MGAT5B: variants seen among roughly 807,000 people sequenced by gnomAD.
MGAT5B encodes the protein alpha-1,6-mannosylglycoprotein 6-beta-N-acetylglucosaminyltransferase B.
Under a neutral mutation model 95.1 loss-of-function variants are expected in MGAT5B, and 54 were observed. The ratio of observed to expected loss-of-function variants is 0.57; its 90% CI spans 0.46 to 0.71. The LOEUF is 0.71. Ranked by LOEUF, MGAT5B falls within the 30% of genes least tolerant of loss-of-function variation. The pLI, the probability that MGAT5B is intolerant of heterozygous loss-of-function variation, is 0.00. For synonymous variants in MGAT5B, 464 were observed against 451.0 expected, an observed-to-expected ratio of 1.03 and a Z score of -0.36; for missense variants, 935 against 1,088.6, an observed-to-expected ratio of 0.86 and a Z score of 1.99.
At chr17:76,887,712 C>G (rs1183587209) in intron 3 of MGAT5B, among the ~76,000 whole-genome samples, 1 of 151,234 alleles carries the variant, frequency 6.6e-6, no homozygotes, top group East Asian at 1.9e-4. Context: ...CACCACCATG[C>G]CCGGCTAATT....
At chr17:76,874,410 G>A (rs147226654) in intron 2 of MGAT5B, among the ~76,000 whole-genome samples, 1 of 147,360 alleles carries the variant, frequency 6.8e-6, no homozygotes, top group Non-Finnish European at 1.5e-5. Context: ...GGTGGGTGGG[G>A]ATGGGAGGGA....
intron 3 of MGAT5B, among the ~76,000 whole-genome samples, chr17:76,883,715 A>T (rs900336568): frequency 1.3e-5 from 2 of 152,244 alleles, no homozygotes; most frequent in Non-Finnish European, 2.9e-5. Flanking sequence ...GCTAAAAATT[A>T]AGCTTGAAAC....
In MGAT5B at chr17:76,902,654, G is replaced by A. The variant is rs761235705; in HGVS notation, c.429G>A (p.Leu143=). The A allele has an allele frequency of 1.3e-6, 2 of 1,591,532 alleles. No individual in the cohort carries two copies. Among genetic ancestry groups the A allele is most frequent in the Admixed American group, 3.5e-5 (2 of 57,782 alleles). Residue 143 remains leucine, a synonymous_variant, in exon 4 of 18, where the codon CTG becomes CTA. Transcript: ENST00000569840. The part of the protein sequence containing the change: ...VKVDQILRHS[L]LLHSKVSEGR... ...TGGACCAGATCCTGCGCCACAGTCT[G>A]CTCCTGCACAGCAAGGGTGGGTGCC...
intron 12 of MGAT5B, among the ~76,000 whole-genome samples, chr17:76,936,336 A>T (rs1313309380): frequency 6.6e-6 from 1 of 152,222 alleles, no homozygotes; most frequent in Non-Finnish European, 1.5e-5. Flanking sequence ...TGAACCTGGG[A>T]GGCGGAGGTT....
intron 6 of MGAT5B, among the ~76,000 whole-genome samples, 193 bp from the exon 7 acceptor site, chr17:76,904,976 G>C (rs1371124060): frequency 6.6e-6 from 1 of 152,220 alleles, no homozygotes; most frequent in African/African-American, 2.4e-5. Context: ...TTAGAGCTGG[G>C]CTGGGGAGGG....
At chr17:76,903,400 G>A (rs1465815621) in intron 5 of MGAT5B, 24 bp downstream of exon 5, 3 of 1,596,144 alleles carry the variant, frequency 1.9e-6, no homozygotes, top group Admixed American at 3.4e-5. Flanking sequence ...CTGAGGGGTG[G>A]GGATGTCTAC....
chr17:76,873,041 C>A, intron 2 of MGAT5B, 78 bp downstream of exon 2: 1 of 1,526,428 alleles, frequency 6.6e-7, no homozygotes, highest in Non-Finnish European at 8.9e-7. Context: ...CTGAGCCTAG[C>A]CCTGTACCTG....
chr17:76,931,008 A>G (rs1284442607), intron 10 of MGAT5B, among the ~76,000 whole-genome samples: 4 of 152,252 alleles, frequency 2.6e-5, no homozygotes, highest in African/African-American at 7.2e-5. Context: ...CAGCATTCAT[A>G]AAGCCAGCCC....
Position 76,905,164 on chromosome 17 carries a change from T to C in MGAT5B, c.691-5T>C. ...GGCAGAGAGCTGAGGTCTGGACCCC[T>C]CCAGGCAGTTTTCCGAAGCAACCTG... On this transcript the variant is annotated splice_region_variant and splice_polypyrimidine_tract_variant and intron_variant, in intron 6 of 17. Transcript: ENST00000569840. The surrounding 1 kb of genome is among the most constrained non-coding windows in gnomAD (Gnocchi z 4.2). 1 of 1,607,976 alleles carries C rather than the reference T, an allele frequency of 6.2e-7. No homozygotes were observed.
chr17:76,925,145 G>A, intron 9 of MGAT5B, 48 bp downstream of exon 9: 2 of 1,607,190 alleles, frequency 1.2e-6, no homozygotes, highest in Non-Finnish European at 8.5e-7. Context: ...TGCCAGGGGA[G>A]AAAGCTCCTC....
At position 76,872,841 on chromosome 17, in the gene MGAT5B, C is replaced by T. The variant is rs1967057341; in HGVS notation, c.69-10C>T. ...CCTGCCCTCCTGACCCGCCTCCTTCCTCTCCGCAGGCTTTTTGTCCTGGGC... is the reference window on the plus strand; with the variant it reads ...CCTGCCCTCCTGACCCGCCTCCTTCTTCTCCGCAGGCTTTTTGTCCTGGGC... On this transcript the variant is annotated splice_polypyrimidine_tract_variant and intron_variant, in intron 1 of 17. Transcript: ENST00000569840. 14 of 1,614,236 alleles carry T rather than the reference C, an allele frequency of 8.7e-6. No individual in the cohort carries two copies. The East Asian group carries it at 3.1e-4, about 36-fold the overall frequency.
intron 3 of MGAT5B, among the ~76,000 whole-genome samples, chr17:76,902,318 A>T (rs1968341978): frequency 6.6e-6 from 1 of 152,136 alleles, no homozygotes; most frequent in African/African-American, 2.4e-5. Flanking sequence ...TGTGACCAAC[A>T]TGTGCAGATA....
In MGAT5B at chr17:76,915,624, A is replaced by C. The variant is rs1968902639; in HGVS notation, c.1026-9342A>C. ...TTTCTATAATTTTCTGGATGCTTGG[A>C]ATATTTTGTAACTTATAAGCACACA... On this transcript the variant is annotated intron_variant, in intron 8 of 17. Transcript: ENST00000569840. The surrounding 1 kb of genome is among the most constrained non-coding windows in gnomAD (Gnocchi z 8.7). 6.6e-6 allele frequency among the ~76,000 whole-genome samples: 1 copy of C among 152,156 alleles called. No homozygotes were observed.
intron 3 of MGAT5B, among the ~76,000 whole-genome samples, chr17:76,896,082 A>T (rs1228835761): frequency 6.6e-6 from 1 of 152,164 alleles, no homozygotes; most frequent in African/African-American, 2.4e-5. Context: ...TGTTCCCCAG[A>T]CCACATAGGC....
intron 2 of MGAT5B, among the ~76,000 whole-genome samples, chr17:76,873,988 G>T (rs530432036): frequency 7.2e-5 from 11 of 152,202 alleles, no homozygotes; most frequent in African/African-American, 2.6e-4. Context: ...GGTGCTGAGG[G>T]GCTCTTATTA....
intron 1 of MGAT5B, 168 bp from the exon 2 acceptor site, chr17:76,872,682 AG>A (rs1314893578): frequency 1.4e-5 from 21 of 1,528,140 alleles, no homozygotes; most frequent in Non-Finnish European, 2.6e-6. Context: ...TTTATCCTAT[AG>A]TGGGGGGGCC....
intron 12 of MGAT5B, among the ~76,000 whole-genome samples, chr17:76,936,177 GC>G (rs1969663857): frequency 6.6e-6 from 1 of 151,928 alleles, no homozygotes; most frequent in Admixed American, 6.6e-5. Flanking sequence ...GGAGGCCATG[GC>G]GGGGTGGATC....
In MGAT5B at chr17:76,902,644, G is replaced by T. The variant is rs575093790; in HGVS notation, c.419G>T (p.Arg140Leu). ...DIAVKVDQIL[R>L]HSLLLHSKVS... Reference sequence around the variant, plus strand: ...GCTGTGAAGGTGGACCAGATCCTGCGCCACAGTCTGCTCCTGCACAGCAAG... The same window carrying T: ...GCTGTGAAGGTGGACCAGATCCTGCTCCACAGTCTGCTCCTGCACAGCAAG... Residue 140 changes from arginine (R) to leucine (L), a missense_variant, in exon 4 of 18, where the codon CGC (arginine) becomes CTC (leucine). Coordinates refer to ENST00000569840, the MANE Select transcript of MGAT5B (RefSeq NM_001199172.2). 1.3e-6 allele frequency: 2 copies of T among 1,579,682 alleles called. No individual in the cohort carries two copies. Among genetic ancestry groups the T allele is most frequent in the South Asian group, 1.1e-5 (1 of 87,812 alleles).
rs1969458862 is a variant in MGAT5B at position 76,930,908 on chromosome 17, G to T, written c.1292-1737G>T. ...GAATTTCCTCATCCGAGACAAGGGA[G>T]GAGGGCAGTGCAGGCCGAGGGGACA... On this transcript the variant is annotated intron_variant, in intron 10 of 17. Coordinates refer to ENST00000569840, the MANE Select transcript of MGAT5B (RefSeq NM_001199172.2). This position sits in a 1 kb window ranked among gnomAD's most constrained non-coding sequence, Gnocchi z 4.1. Among the ~76,000 whole-genome samples the T allele has an allele frequency of 6.6e-6, 1 of 152,174 alleles. No individual in the cohort carries two copies. The highest frequency in any genetic ancestry group is 2.4e-5 in the African/African-American group (1 of 41,428).
Sources: allele counts gnomAD v4.1 joint callset (sites outside exome capture counted in the v4.1 genomes callset), GRCh38; gene constraint gnomAD v4.1.1; non-coding constraint Gnocchi (gnomAD v3.1); transcripts MANE v1.5; gene names NCBI Gene and HGNC (gene_info 2026-07-23, HGNC 2026-07-21).